Variants in PRKCB observed in about 807,000 individuals in gnomAD.
PRKCB encodes protein kinase C beta, also known as protein kinase C beta type.
In PRKCB, 13 loss-of-function variants were observed where a neutral mutation model predicts 81.5. The ratio of observed to expected loss-of-function variants is 0.16; its 90% CI spans 0.10 to 0.25. PRKCB has a LOEUF of 0.25. Ranked by LOEUF, PRKCB falls within the 10% of genes least tolerant of loss-of-function variation. PRKCB has a pLI of 1.00. For missense variants in PRKCB, 509 were observed against 875.7 expected, an observed-to-expected ratio of 0.58 and a Z score of 5.29; for synonymous variants, 335 against 321.4, an observed-to-expected ratio of 1.04 and a Z score of -0.45.
Position 24,214,648 on chromosome 16 carries a change from C to T in PRKCB, c.1864-10C>T, listed in dbSNP as rs767248660. 4 of 1,608,324 alleles carry T rather than the reference C, an allele frequency of 2.5e-6. No individual in the cohort carries two copies. The highest frequency in any genetic ancestry group is 1.3e-5 in the African/African-American group (1 of 74,600). ...CACCCACCACAAGTTCTTTTCTTCC[C>T]CTCTCATAGTGTGGGCGAAATGCTG... On this transcript the variant is annotated splice_polypyrimidine_tract_variant and intron_variant, in intron 16 of 16. Coordinates refer to ENST00000643927, the MANE Select transcript of PRKCB (RefSeq NM_002738.7).
intron 2 of PRKCB, among the ~76,000 whole-genome samples, chr16:23,981,016 G>T (rs1964693674): frequency 6.6e-6 from 1 of 151,898 alleles, no homozygotes. Flanking sequence ...GGATTAACCA[G>T]GCGTTTCTTA....
At chr16:23,850,429 G>A (rs1256889957) in intron 2 of PRKCB, among the ~76,000 whole-genome samples, 2 of 151,980 alleles carry the variant, frequency 1.3e-5, no homozygotes, top group Admixed American at 1.3e-4. Flanking sequence ...ACAATGGTGC[G>A]ATCTCAGCTC....
chr16:24,079,677 A>G (rs1342584803), intron 5 of PRKCB, among the ~76,000 whole-genome samples: 1 of 152,298 alleles, frequency 6.6e-6, no homozygotes, highest in South Asian at 2.1e-4. Context: ...AGACAATCCA[A>G]GCTGATTTTG....
chr16:24,021,085 T>TTTTTTCTTTCTTTCTTTCCTTCTTTC (rs1965374641), intron 3 of PRKCB, among the ~76,000 whole-genome samples: 1 of 130,136 alleles, frequency 7.7e-6, no homozygotes, highest in African/African-American at 3.1e-5. Context: ...CTTTCTTTCT[T>TTTTTTCTTTCTTTCTTTCCTTCTTTC]TCTTTTTTTC....
At chr16:23,918,377 C>CTT (rs113611996) in intron 2 of PRKCB, among the ~76,000 whole-genome samples, 3 of 150,262 alleles carry the variant, frequency 2.0e-5, no homozygotes, top group African/African-American at 4.9e-5. Flanking sequence ...TTTGTGTTAC[C>CTT]TTTTTATTAT....
intron 3 of PRKCB, among the ~76,000 whole-genome samples, chr16:24,013,615 C>T (rs1187853440): frequency 6.6e-6 from 1 of 152,134 alleles, no homozygotes; most frequent in Admixed American, 6.5e-5. Flanking sequence ...TTATTACCCC[C>T]TGCTGGGATC....
chr16:24,047,609 A>C (rs1201039688), intron 5 of PRKCB, among the ~76,000 whole-genome samples: 1 of 151,976 alleles, frequency 6.6e-6, no homozygotes, highest in Non-Finnish European at 1.5e-5. Context: ...CTGGATTTGT[A>C]CCCTGGGTCC....
rs531542902 is a variant in PRKCB at position 23,968,500 on chromosome 16, G to A, written c.206-20008G>A. On this transcript the variant is annotated intron_variant, in intron 2 of 16. Transcript: ENST00000643927. ...AACCATGGTCCTGGAGGGATGAACCGCTTCCCAAATAGCAGTACCGAGGCA... is the reference window on the plus strand; with the variant it reads ...AACCATGGTCCTGGAGGGATGAACCACTTCCCAAATAGCAGTACCGAGGCA... Among the ~76,000 whole-genome samples, 188 of 152,288 alleles carry A rather than the reference G, an allele frequency of 1.2e-3. 1 individual carries two copies. Among genetic ancestry groups the A allele is most frequent in the Non-Finnish European group, 2.0e-3 (135 of 68,034 alleles).
At position 24,217,705 on chromosome 16, in the gene PRKCB, A is replaced by C. The variant is rs1330349795; in HGVS notation, c.*2889A>C. The C allele has an allele frequency of 3.0e-6, 3 of 985,380 alleles. No homozygotes were observed. Among genetic ancestry groups the C allele is most frequent in the African/African-American group, 3.5e-5 (2 of 57,236 alleles). The allele number at this position is 985,380 out of a possible 1,614,324, so 61.0% of individuals were successfully genotyped here. A position where few individuals can be genotyped will look rare whatever the true frequency, so the allele number is the denominator to read the frequency against. ...CCAAGGTGGGGCTGGTCAGAAGGGA[A>C]TCTTTGATAAGAGGCCCACAGGCAG... On this transcript the variant is annotated 3_prime_UTR_variant, in exon 17 of 17. Transcript: ENST00000643927.
chr16:24,177,976 A>G (rs1014216774), intron 12 of PRKCB, among the ~76,000 whole-genome samples: 5 of 152,206 alleles, frequency 3.3e-5, no homozygotes, highest in Non-Finnish European at 5.9e-5. Flanking sequence ...TCAAATGGAA[A>G]TGGTAAAAAA....
At chr16:24,077,962 C>T (rs975295804) in intron 5 of PRKCB, among the ~76,000 whole-genome samples, 1 of 152,184 alleles carries the variant, frequency 6.6e-6, no homozygotes, top group Non-Finnish European at 1.5e-5. Flanking sequence ...GGAAGTAAAC[C>T]CGCCTTCCTC....
chr16:24,170,402 T>A (rs1386314517), intron 10 of PRKCB, among the ~76,000 whole-genome samples: 1 of 151,906 alleles, frequency 6.6e-6, no homozygotes, highest in African/African-American at 2.4e-5. Context: ...CTAATTTAGA[T>A]TGGGTGGGTT....
chr16:23,933,207 C>A (rs1458460178), intron 2 of PRKCB, among the ~76,000 whole-genome samples: 1 of 152,170 alleles, frequency 6.6e-6, no homozygotes, highest in African/African-American at 2.4e-5. Flanking sequence ...TTCTTTTCAT[C>A]CTTTCTTCCT....
chr16:24,129,337 G>A (rs533766441), intron 9 of PRKCB, among the ~76,000 whole-genome samples: 6 of 152,228 alleles, frequency 3.9e-5, no homozygotes, highest in African/African-American at 1.2e-4. Flanking sequence ...GGCAGCTGGT[G>A]TGCTATAGTG....
At chr16:23,968,770 A>G (rs549210217) in intron 2 of PRKCB, among the ~76,000 whole-genome samples, 1 of 152,314 alleles carries the variant, frequency 6.6e-6, no homozygotes, top group South Asian at 2.1e-4. Context: ...GGAGAATGAG[A>G]TAACTGACCT....
At chr16:23,929,702 A>G (rs1963945553) in intron 2 of PRKCB, among the ~76,000 whole-genome samples, 1 of 152,090 alleles carries the variant, frequency 6.6e-6, no homozygotes, top group Non-Finnish European at 1.5e-5. Flanking sequence ...CTGGAGAAAT[A>G]TTTCTTGGGC....
chr16:24,116,010 T>A (rs1966733922), intron 8 of PRKCB, among the ~76,000 whole-genome samples: 1 of 152,078 alleles, frequency 6.6e-6, no homozygotes, highest in African/African-American at 2.4e-5. Flanking sequence ...AGGCGTGATA[T>A]CCCAAGGATT....
intron 9 of PRKCB, among the ~76,000 whole-genome samples, chr16:24,138,647 A>G (rs945721746): frequency 6.6e-6 from 1 of 152,128 alleles, no homozygotes; most frequent in Admixed American, 6.6e-5. Flanking sequence ...TATATAACAC[A>G]GTATTATTAA....
intron 3 of PRKCB, among the ~76,000 whole-genome samples, chr16:24,004,278 A>G (rs866730074): frequency 6.6e-6 from 1 of 152,146 alleles, no homozygotes; most frequent in Admixed American, 6.5e-5. Flanking sequence ...AAAGATGCTT[A>G]AAGCACAGGT....
Sources: gnomAD v4.1 joint callset for allele counts (sites outside exome capture counted in the v4.1 genomes callset) on GRCh38, gnomAD v4.1.1 for gene constraint, MANE v1.5 for transcripts, NCBI Gene and HGNC (gene_info 2026-07-23, HGNC 2026-07-21) for gene names.